CEP76: variants seen among roughly 807,000 people sequenced by gnomAD.
CEP76 encodes centrosomal protein of 76 kDa.
CEP76 carries 55 observed loss-of-function variants against 83.3 expected under a neutral mutation model. That is an observed-to-expected ratio of 0.66 (90% CI 0.53 to 0.83). The LOEUF (loss-of-function observed/expected upper bound fraction) is 0.83, where lower values mean the gene tolerates loss of function less well. Among genes scored for constraint, CEP76 ranks in the 40% least tolerant of loss-of-function variants. The pLI is 0.00. For missense variants in CEP76, 694 were observed against 799.5 expected, an observed-to-expected ratio of 0.87 and a Z score of 1.59; for synonymous variants, 270 against 274.5, an observed-to-expected ratio of 0.98 and a Z score of 0.16.
intron 4 of CEP76, among the ~76,000 whole-genome samples, chr18:12,698,275 C>A (rs2040030477): frequency 6.6e-6 from 1 of 151,878 alleles, no homozygotes; most frequent in Non-Finnish European, 1.5e-5. Context: ...GTTGCCCAGG[C>A]TGGAGTGCAA....
intron 9 of CEP76, chr18:12,678,950 A>G (rs7244345): frequency 0.14 from 21,260 of 152,080 alleles, 1,726 homozygotes; most frequent in African/African-American, 0.2. Flanking sequence ...CAAGAAAAAA[A>G]AATAAAAATA....
chr18:12,674,886 A>G, intron 10 of CEP76, 133 bp from the exon 11 acceptor site: 1 of 526,202 alleles, frequency 1.9e-6, no homozygotes, highest in Non-Finnish European at 3.2e-6. Flanking sequence ...TTTAATAATA[A>G]TAATTATAGG....
At chr18:12,663,459 G>C (rs533512435) in intron 12 of CEP76, 1 of 152,252 alleles carries the variant, frequency 6.6e-6, no homozygotes, top group African/African-American at 2.4e-5. Context: ...TTTTTGCAGA[G>C]ACGGGGTTTC....
intron 5 of CEP76, among the ~76,000 whole-genome samples, chr18:12,696,520 T>C (rs1207767098): frequency 6.6e-6 from 1 of 151,986 alleles, no homozygotes; most frequent in African/African-American, 2.4e-5. Context: ...ATAATAATAA[T>C]AATAATCTAA....
At chr18:12,668,717 C>T (rs1275230398), downstream of CEP76, among the ~76,000 whole-genome samples, 6 of 142,324 alleles carry the variant, frequency 4.2e-5, no homozygotes, top group African/African-American at 1.5e-4. Flanking sequence ...GTCTACCTAG[C>T]AAGATACACT....
chr18:12,700,121 T>G, intron 2 of CEP76: 1 of 351,882 alleles, frequency 2.8e-6, no homozygotes, highest in East Asian at 4.5e-5. Flanking sequence ...TGCTAAGGAA[T>G]TAAACTGTCT....
At chr18:12,702,072 G>T (rs529990667) in intron 1 of CEP76, among the ~76,000 whole-genome samples, 27 of 152,206 alleles carry the variant, frequency 1.8e-4, no homozygotes, top group Non-Finnish European at 2.8e-4. Flanking sequence ...GTTGCAGTGA[G>T]CCGAGATCGT....
At chr18:12,698,944 A>C in intron 4 of CEP76, 35 bp downstream of exon 4, 1 of 1,375,734 alleles carries the variant, frequency 7.3e-7, no homozygotes, top group Non-Finnish European at 1.0e-6. Context: ...ACAAAGATTT[A>C]CTCAATTAAA....
chr18:12,686,160 G>A (rs1762563161), intron 8 of CEP76, 102 bp downstream of exon 8: 1 of 883,242 alleles, frequency 1.1e-6, no homozygotes, highest in Non-Finnish European at 1.7e-6. Context: ...ACAGAGGGTT[G>A]ACTATATGTG....
Position 12,673,278 on chromosome 18 carries a change from A to G in CEP76, c.*87T>C. On this transcript the variant is annotated 3_prime_UTR_variant, in exon 12 of 12. Coordinates refer to ENST00000262127, the MANE Select transcript of CEP76 (RefSeq NM_024899.4). ...CCATTCAAGCCAGATTGTGATTTTA[A>G]AATAACAAACCTCTAAATAGCTAAG... 6.7e-7 allele frequency: 1 copy of G among 1,487,600 alleles called. No individual in the cohort carries two copies. The highest frequency in any genetic ancestry group is 8.9e-7 in the Non-Finnish European group (1 of 1,125,020). 92.2% of individuals were successfully genotyped at this position (1,487,600 alleles called of 1,614,324 possible). A position where few individuals can be genotyped will look rare whatever the true frequency, so the allele number is the denominator to read the frequency against.
intron 12 of CEP76, among the ~76,000 whole-genome samples, chr18:12,664,903 T>C (rs1227061624): frequency 6.6e-6 from 1 of 152,050 alleles, no homozygotes; most frequent in Non-Finnish European, 1.5e-5. Flanking sequence ...TTCACCACTT[T>C]GGCCAGGCTG....
At chr18:12,695,411 A>G (rs1268353047) in intron 5 of CEP76, 60 bp from the exon 6 acceptor site, 3 of 748,218 alleles carry the variant, frequency 4.0e-6, no homozygotes, top group Non-Finnish European at 6.3e-6. Context: ...TTAGTCAACC[A>G]AAGTCTAACC....
chr18:12,683,574 A>C (rs559208105), intron 8 of CEP76, among the ~76,000 whole-genome samples: 1 of 152,036 alleles, frequency 6.6e-6, no homozygotes, highest in South Asian at 2.1e-4. Context: ...AACACAGTGA[A>C]ACCCCATCTC....
chr18:12,702,395 A>G, intron 1 of CEP76, 91 bp downstream of exon 1: 1 of 957,068 alleles, frequency 1.0e-6, no homozygotes, highest in Non-Finnish European at 1.7e-6. Context: ...AGTCCCGGCA[A>G]GCAGATGCCG....
In CEP76 at chr18:12,686,168, G is replaced by A. The variant is rs532786690; in HGVS notation, c.1122+94C>T. ...TGTGGGTACAGAGGGTTGACTATATGTGCATTTTTCTAAGGCATTCTTTTA... is the reference window on the plus strand; with the variant it reads ...TGTGGGTACAGAGGGTTGACTATATATGCATTTTTCTAAGGCATTCTTTTA... On this transcript the variant is annotated intron_variant, in intron 8 of 11. Transcript: ENST00000262127. 61 of 977,102 alleles carry A rather than the reference G, an allele frequency of 6.2e-5. No individual in the cohort carries two copies. The African/African-American group carries it at 9.3e-4, about 15-fold the overall frequency. 60.5% of individuals were successfully genotyped at this position (977,102 alleles called of 1,614,324 possible). A position where few individuals can be genotyped will look rare whatever the true frequency, so the allele number is the denominator to read the frequency against.
At chr18:12,679,201 G>A (rs2039257362) in intron 9 of CEP76, 2 of 152,120 alleles carry the variant, frequency 1.3e-5, no homozygotes, top group Non-Finnish European at 2.9e-5. Flanking sequence ...AGAAGCTAAG[G>A]AAAGAGAATG....
chr18:12,669,801 G>A (rs1005978274), downstream of CEP76, among the ~76,000 whole-genome samples: 1 of 151,932 alleles, frequency 6.6e-6, no homozygotes, highest in Non-Finnish European at 1.5e-5. Flanking sequence ...GGGAGTTTGA[G>A]ACCCTCCTGA....
intron 9 of CEP76, among the ~76,000 whole-genome samples, chr18:12,678,842 G>C (rs113057157): frequency 0.015 from 2,225 of 152,134 alleles, 65 homozygotes; most frequent in African/African-American, 0.051. Flanking sequence ...TGTAGTCCCA[G>C]CTACTCGGGA....
At chr18:12,702,169 C>T (rs1355258490) in intron 1 of CEP76, among the ~76,000 whole-genome samples, 1 of 152,172 alleles carries the variant, frequency 6.6e-6, no homozygotes, top group Non-Finnish European at 1.5e-5. Flanking sequence ...TATAAACCTC[C>T]AAATACAACT....
Sources: gnomAD v4.1 joint callset for allele counts (sites outside exome capture counted in the v4.1 genomes callset) on GRCh38, gnomAD v4.1.1 for gene constraint, MANE v1.5 for transcripts, NCBI Gene and HGNC (gene_info 2026-07-23, HGNC 2026-07-21) for gene names.